Variants in COL21A1 observed in about 807,000 individuals in gnomAD.
The protein encoded by COL21A1 is collagen alpha-1(XXI) chain.
COL21A1 carries 149 observed loss-of-function variants against 137.9 expected under a neutral mutation model. The observed-to-expected ratio is 1.08, with a 90% CI of 0.95 to 1.24. COL21A1 has a LOEUF of 1.24. Among genes scored for constraint, COL21A1 ranks in the 50% most tolerant of loss-of-function variants. COL21A1 has a pLI of 0.00. For missense variants in COL21A1, 1,167 were observed against 1,158.4 expected (o/e 1.01, Z -0.11); for synonymous variants, 456 against 391.5 (o/e 1.16, Z -1.95).
At position 56,124,117 on chromosome 6, in the gene COL21A1, T is replaced by TA. The variant is rs1772803288; in HGVS notation, c.1705-3dup. On this transcript the variant is annotated splice_region_variant and splice_polypyrimidine_tract_variant and intron_variant, in intron 15 of 29. Coordinates refer to ENST00000244728, the MANE Select transcript of COL21A1 (RefSeq NM_030820.4). ...CTTTCCATGTCTTCCTGGTTCTCCC[T>TA]AAAAAATAAATACATATGCTTTAAT... is the stretch of plus-strand genomic sequence containing the variant. The TA allele has an allele frequency of 1.9e-6, 3 of 1,540,866 alleles. No homozygotes were observed. The highest frequency in any genetic ancestry group is 2.6e-6 in the Non-Finnish European group (3 of 1,141,712).
intron 1 of COL21A1, among the ~76,000 whole-genome samples, chr6:56,190,386 A>C (rs933730189): frequency 4.6e-5 from 7 of 152,188 alleles, no homozygotes; most frequent in Non-Finnish European, 8.8e-5. Context: ...CCACGTCTAA[A>C]CCAGGAAAAA....
intron 10 of COL21A1, among the ~76,000 whole-genome samples, chr6:56,143,047 C>T (rs1740455957): frequency 6.6e-6 from 1 of 152,036 alleles, no homozygotes; most frequent in Non-Finnish European, 1.5e-5. Context: ...TTCAAGTATC[C>T]TTTCTAATAT....
chr6:56,133,281 GT>G (rs1201643540), intron 12 of COL21A1, among the ~76,000 whole-genome samples: 2 of 152,176 alleles, frequency 1.3e-5, no homozygotes, highest in Non-Finnish European at 2.9e-5. Flanking sequence ...GGGAACTGGA[GT>G]AAAAGCAACT....
At chr6:56,134,857 C>T (rs968216423) in intron 12 of COL21A1, among the ~76,000 whole-genome samples, 3 of 152,048 alleles carry the variant, frequency 2.0e-5, no homozygotes, top group Non-Finnish European at 4.4e-5. Flanking sequence ...ATTGTGAGGC[C>T]CCCTCCCATG....
intron 1 of COL21A1, among the ~76,000 whole-genome samples, chr6:56,202,536 C>T (rs1258363852): frequency 6.6e-6 from 1 of 152,182 alleles, no homozygotes; most frequent in Non-Finnish European, 1.5e-5. Flanking sequence ...TCCAGCATCT[C>T]TTCTATCATC....
chr6:56,377,143 AATTT>A (rs2094000851), intron 1 of COL21A1, among the ~76,000 whole-genome samples: 1 of 151,520 alleles, frequency 6.6e-6, no homozygotes, highest in South Asian at 2.1e-4. Flanking sequence ...ATGCCCAGCT[AATTT>A]ATTTATTTAT....
chr6:56,097,872 T>TATAAATATATAAATATAG lies in COL21A1; in HGVS notation c.1812+3599_1812+3600insCTATATTTATATATTTAT, dbSNP rs1562188308. On this transcript the variant is annotated intron_variant, in intron 17 of 29. Transcript: ENST00000244728. ...ATATATATAAATATATAAAAATATC[T>TATAAATATATAAATATAG]ATAAATATATAAATATATATAAATA... 5.8e-3 allele frequency among the ~76,000 whole-genome samples: 433 copies of TATAAATATATAAATATAG among 74,394 alleles called. 71 individuals are homozygous for TATAAATATATAAATATAG. Among genetic ancestry groups the TATAAATATATAAATATAG allele is most frequent in the Non-Finnish European group, 7.9e-3 (338 of 42,916 alleles). The allele number at this position is 74,394 out of a possible 152,430, so 48.8% of individuals were successfully genotyped here.
chr6:56,230,498 A>G (rs1781491195), intron 1 of COL21A1, among the ~76,000 whole-genome samples: 2 of 151,882 alleles, frequency 1.3e-5, no homozygotes, highest in South Asian at 4.1e-4. Flanking sequence ...TATACTTCTT[A>G]TATTAATTCA....
chr6:56,342,984 T>C (rs1165416548), intron 1 of COL21A1, among the ~76,000 whole-genome samples: 1 of 152,224 alleles, frequency 6.6e-6, no homozygotes, highest in Admixed American at 6.5e-5. Flanking sequence ...AGACAACTCA[T>C]AGCTGATCAA....
At chr6:56,195,751 C>G (rs1778978564) in intron 1 of COL21A1, among the ~76,000 whole-genome samples, 2 of 152,066 alleles carry the variant, frequency 1.3e-5, no homozygotes, top group Admixed American at 1.3e-4. Flanking sequence ...AACCTCCCAA[C>G]AGAAAAGGTC....
intron 5 of COL21A1, among the ~76,000 whole-genome samples, chr6:56,169,411 T>C (rs1386781995): frequency 6.6e-6 from 1 of 151,980 alleles, no homozygotes; most frequent in Admixed American, 6.6e-5. Flanking sequence ...GAAGATTGCC[T>C]TGACCATGAC....
At chr6:56,166,673 A>T (rs949603137) in intron 7 of COL21A1, 7 of 602,934 alleles carry the variant, frequency 1.2e-5, no homozygotes, top group Non-Finnish European at 2.1e-5. Flanking sequence ...AAACACAACA[A>T]GAAAACATTC....
At chr6:56,225,162 G>A (rs1279081466) in intron 1 of COL21A1, among the ~76,000 whole-genome samples, 1 of 151,914 alleles carries the variant, frequency 6.6e-6, no homozygotes, top group African/African-American at 2.4e-5. Context: ...TCCCCACAAA[G>A]CCTTAAAACA....
At position 56,083,504 on chromosome 6, in the gene COL21A1, C is replaced by G. The variant is rs1314811425; in HGVS notation, c.1813-5931G>C. Among the ~76,000 whole-genome samples the G allele has an allele frequency of 1.3e-5, 2 of 151,830 alleles. 1 individual carries two copies. Among genetic ancestry groups the G allele is most frequent in the South Asian group, 4.1e-4 (2 of 4,824 alleles). On this transcript the variant is annotated intron_variant, in intron 17 of 29. Coordinates refer to ENST00000244728, the MANE Select transcript of COL21A1 (RefSeq NM_030820.4). ...AAATTTCCATCTCAAGGACATTAAC[C>G]TTAATCACATCTACAAAATCTCTTT...
chr6:56,270,623 T>C (rs1034517872), intron 1 of COL21A1, among the ~76,000 whole-genome samples: 2 of 152,164 alleles, frequency 1.3e-5, no homozygotes, highest in African/African-American at 4.8e-5. Context: ...ACAAGAAACA[T>C]CCTGGTATGT....
intron 1 of COL21A1, among the ~76,000 whole-genome samples, chr6:56,259,733 G>A (rs1480010206): frequency 6.6e-6 from 1 of 152,166 alleles, no homozygotes; most frequent in Non-Finnish European, 1.5e-5. Flanking sequence ...TGAAGTAATA[G>A]CTTCTTAGAA....
Position 56,272,904 on chromosome 6 carries a change from A to G in COL21A1, c.-38-90248T>C, listed in dbSNP as rs1159111643. ...ATTAAACCTTTTTTCTTCATGAATT[A>G]CCCAGTCTCAGGTAGTATCTTTACA... On this transcript the variant is annotated intron_variant, in intron 1 of 28. Coordinates refer to the COL21A1 transcript ENST00000370819. Among the ~76,000 whole-genome samples, 4 of 152,306 alleles carry G rather than the reference A, an allele frequency of 2.6e-5. No individual in the cohort carries two copies. The East Asian group carries it at 7.7e-4, about 29-fold the overall frequency.
intron 1 of COL21A1, among the ~76,000 whole-genome samples, chr6:56,217,016 T>G (rs2152309912): frequency 6.6e-6 from 1 of 152,184 alleles, no homozygotes; most frequent in Admixed American, 6.6e-5. Flanking sequence ...ATTCTTCAAA[T>G]GTTAAAATTC....
chr6:56,102,187 T>C (rs1411870804), intron 16 of COL21A1, among the ~76,000 whole-genome samples: 1 of 152,182 alleles, frequency 6.6e-6, no homozygotes, highest in African/African-American at 2.4e-5. Context: ...TACAAATGTA[T>C]CTGACACTTC....
Sources: gnomAD v4.1 joint callset for allele counts (sites outside exome capture counted in the v4.1 genomes callset) on GRCh38, gnomAD v4.1.1 for gene constraint, MANE v1.5 for transcripts, NCBI Gene and HGNC (gene_info 2026-07-23, HGNC 2026-07-21) for gene names.